Variants in KCNIP1 observed in about 807,000 individuals in gnomAD.
The protein encoded by KCNIP1 is potassium voltage-gated channel interacting protein 1, also known as A-type potassium channel modulatory protein KCNIP1.
KCNIP1 carries 18 observed loss-of-function variants against 33.0 expected under a neutral mutation model. The observed-to-expected ratio is 0.55, with a 90% CI of 0.38 to 0.81. KCNIP1 has a LOEUF of 0.81. KCNIP1 is among the 30% of genes least tolerant of loss of function. The pLI, the probability that KCNIP1 is intolerant of heterozygous loss-of-function variation, is 0.00. For missense variants in KCNIP1, 238 were observed against 271.6 expected (o/e 0.88, Z 0.87); for synonymous variants, 93 against 98.3 (o/e 0.95, Z 0.32).
intron 1 of KCNIP1, among the ~76,000 whole-genome samples, chr5:170,625,724 T>G (rs1026830717): frequency 6.6e-6 from 1 of 152,196 alleles, no homozygotes; most frequent in Admixed American, 6.5e-5. Context: ...GGTTGCAAGC[T>G]TTAGTCAAAA....
chr5:170,647,887 G>A (rs1760853223), intron 1 of KCNIP1, among the ~76,000 whole-genome samples: 1 of 152,008 alleles, frequency 6.6e-6, no homozygotes. Context: ...ATCTGATAAA[G>A]GACTGTTATT....
chr5:170,469,238 A>T (rs1273555746), intron 1 of KCNIP1, among the ~76,000 whole-genome samples: 1 of 152,078 alleles, frequency 6.6e-6, no homozygotes, highest in Non-Finnish European at 1.5e-5. Flanking sequence ...GCAAAAAAAC[A>T]TGTAAAATTA....
At chr5:170,449,843 AG>A (rs1449143498) in intron 1 of KCNIP1, among the ~76,000 whole-genome samples, 1 of 151,980 alleles carries the variant, frequency 6.6e-6, no homozygotes, top group East Asian at 1.9e-4. Flanking sequence ...GCAGTCATAT[AG>A]GGCCTGGGGT....
chr5:170,733,205 T>C (rs1354183983), intron 6 of KCNIP1, among the ~76,000 whole-genome samples: 1 of 152,132 alleles, frequency 6.6e-6, no homozygotes, highest in Non-Finnish European at 1.5e-5. Context: ...TGTGGAGGTG[T>C]TAAGCATTTG....
intron 1 of KCNIP1, among the ~76,000 whole-genome samples, chr5:170,577,324 TA>T (rs2113506051): frequency 6.6e-6 from 1 of 152,356 alleles, no homozygotes; most frequent in South Asian, 2.1e-4. Context: ...ACAGCACATT[TA>T]TTGGTTGATA....
chr5:170,722,289 G>C lies in KCNIP1; in HGVS notation c.327+386G>C, dbSNP rs748054506. On this transcript the variant is annotated intron_variant, in intron 4 of 7. Coordinates refer to ENST00000328939, the MANE Select transcript of KCNIP1 (RefSeq NM_014592.4). ...GAGTAAGGCAAAGAGAGATAGAGTA[G>C]TTTTCCCAAGGTCAAAGAGCACATA... is the stretch of plus-strand genomic sequence containing the variant. Among the ~76,000 whole-genome samples, 12 of 152,132 alleles carry C rather than the reference G, an allele frequency of 7.9e-5. 1 individual carries two copies. The highest frequency in any genetic ancestry group is 2.0e-4 in the Admixed American group (3 of 15,270).
intron 1 of KCNIP1, among the ~76,000 whole-genome samples, chr5:170,609,051 G>T (rs190775036): frequency 1.5e-4 from 23 of 152,168 alleles, no homozygotes; most frequent in African/African-American, 5.3e-4. Flanking sequence ...AATATAATGG[G>T]GCCTCCTGGT....
chr5:170,364,207 T>G (rs1340463818), intron 1 of KCNIP1, among the ~76,000 whole-genome samples: 1 of 152,130 alleles, frequency 6.6e-6, no homozygotes, highest in Non-Finnish European at 1.5e-5. Flanking sequence ...GGTTTCTCCA[T>G]GTTGCCCAAC....
chr5:170,707,936 GTTT>G (rs1324151735), intron 1 of KCNIP1, among the ~76,000 whole-genome samples: 1 of 152,118 alleles, frequency 6.6e-6, no homozygotes. Flanking sequence ...CATGATTTGA[GTTT>G]TATTGAACCG....
chr5:170,470,985 G>C (rs771942158), intron 1 of KCNIP1, among the ~76,000 whole-genome samples: 33 of 152,208 alleles, frequency 2.2e-4, no homozygotes, highest in Non-Finnish European at 3.8e-4. Context: ...CAGGGACGTA[G>C]GTTGAGATGT....
In KCNIP1 at chr5:170,504,639, C is replaced by G. The variant is rs775941999; in HGVS notation, c.61+6C>G. 1 of 1,610,422 alleles carries G rather than the reference C, an allele frequency of 6.2e-7. No individual in the cohort carries two copies. Among genetic ancestry groups the G allele is most frequent in the Non-Finnish European group, 8.5e-7 (1 of 1,176,964 alleles). ...ACAAAGGCGACCCTCGAAAGGTAAG[C>G]CACCTTCTTCCTTTTGTTCCCCTGT... On this transcript the variant is annotated splice_donor_region_variant and intron_variant, in intron 1 of 7. Transcript: ENST00000328939. The surrounding 1 kb of genome is among the most constrained non-coding windows in gnomAD (Gnocchi z 6.0).
At chr5:170,535,458 CCAA>C (rs892638137) in intron 1 of KCNIP1, among the ~76,000 whole-genome samples, 117 of 152,232 alleles carry the variant, frequency 7.7e-4, no homozygotes, top group African/African-American at 2.7e-3. Flanking sequence ...ATTTGCTTCT[CCAA>C]CAACAACAAC....
At chr5:170,620,694 C>T (rs1214643772) in intron 1 of KCNIP1, among the ~76,000 whole-genome samples, 1 of 152,182 alleles carries the variant, frequency 6.6e-6, no homozygotes, top group Non-Finnish European at 1.5e-5. Flanking sequence ...AGCATCTTGA[C>T]TAATTTAAAA....
chr5:170,382,120 G>A (rs1287972737), intron 1 of KCNIP1, among the ~76,000 whole-genome samples: 1 of 152,190 alleles, frequency 6.6e-6, no homozygotes, highest in Non-Finnish European at 1.5e-5. Context: ...GGTCGTGAGT[G>A]CTTGCTGCGG....
At chr5:170,437,283 T>C (rs1303311625) in intron 1 of KCNIP1, among the ~76,000 whole-genome samples, 2 of 152,180 alleles carry the variant, frequency 1.3e-5, no homozygotes, top group East Asian at 3.8e-4. Flanking sequence ...TATGGCCTGC[T>C]TCAGGGGAGA....
At chr5:170,521,941 C>T (rs1272490522) in intron 1 of KCNIP1, among the ~76,000 whole-genome samples, 2 of 152,208 alleles carry the variant, frequency 1.3e-5, no homozygotes, top group South Asian at 4.1e-4. Flanking sequence ...CTCCCCCAAC[C>T]CTAAGGCATC....
At chr5:170,382,129 G>C (rs886980041) in intron 1 of KCNIP1, among the ~76,000 whole-genome samples, 1 of 152,104 alleles carries the variant, frequency 6.6e-6, no homozygotes, top group Admixed American at 6.5e-5. Flanking sequence ...TGCTTGCTGC[G>C]GCCTTGGCTC....
chr5:170,601,445 C>T (rs1241713351), intron 1 of KCNIP1, among the ~76,000 whole-genome samples: 3 of 152,138 alleles, frequency 2.0e-5, no homozygotes, highest in Non-Finnish European at 4.4e-5. Flanking sequence ...TGCTTTGTCC[C>T]GAAAACCCAG....
At chr5:170,626,598 C>A (rs1274950414) in intron 1 of KCNIP1, among the ~76,000 whole-genome samples, 1 of 152,176 alleles carries the variant, frequency 6.6e-6, no homozygotes, top group Non-Finnish European at 1.5e-5. Flanking sequence ...AGACATTACT[C>A]CAAGGGTGAC....
Sources: gnomAD v4.1 joint callset for allele counts (sites outside exome capture counted in the v4.1 genomes callset) on GRCh38, gnomAD v4.1.1 for gene constraint, Gnocchi (gnomAD v3.1) non-coding constraint, MANE v1.5 for transcripts, NCBI Gene and HGNC (gene_info 2026-07-23, HGNC 2026-07-21) for gene names.